Variants in PTPRN2 observed in about 807,000 individuals in gnomAD.
PTPRN2 encodes protein tyrosine phosphatase receptor type N2.
A neutral mutation model predicts 118.8 loss-of-function variants in PTPRN2; 74 were observed. The ratio of observed to expected loss-of-function variants is 0.62; its 90% CI spans 0.52 to 0.76. PTPRN2 has a LOEUF of 0.76. PTPRN2 is among the 30% of genes least tolerant of loss of function. The pLI is 0.00. For missense variants in PTPRN2, 1,481 were observed against 1,394.4 expected (o/e 1.06, Z -0.99); for synonymous variants, 641 against 608.0 (o/e 1.05, Z -0.80).
At chr7:158,167,318 C>A in intron 5 of PTPRN2, 27 bp from the exon 6 acceptor site, 2 of 1,548,780 alleles carry the variant, frequency 1.3e-6, no homozygotes, top group Non-Finnish European at 1.7e-6. Flanking sequence ...CAAAACAGAG[C>A]AAGAGTCACA....
chr7:157,876,744 C>A (rs1278749935), intron 12 of PTPRN2, among the ~76,000 whole-genome samples: 1 of 152,162 alleles, frequency 6.6e-6, no homozygotes, highest in Non-Finnish European at 1.5e-5. Context: ...TTCACATGGC[C>A]CCTGCACCCC....
intron 2 of PTPRN2, among the ~76,000 whole-genome samples, chr7:158,403,306 G>A (rs376111370): frequency 3.9e-5 from 6 of 152,294 alleles, no homozygotes; most frequent in South Asian, 2.1e-4. Flanking sequence ...AGGCCCTGCC[G>A]TACTGATGTG....
At chr7:158,322,272 T>C (rs1223132784) in intron 2 of PTPRN2, among the ~76,000 whole-genome samples, 1 of 152,142 alleles carries the variant, frequency 6.6e-6, no homozygotes, top group Non-Finnish European at 1.5e-5. Context: ...GGCTCCATGC[T>C]CCAGAGCTTC....
chr7:158,018,209 G>T (rs1806583108), intron 11 of PTPRN2, among the ~76,000 whole-genome samples: 1 of 152,216 alleles, frequency 6.6e-6, no homozygotes, highest in South Asian at 2.1e-4. Context: ...ATGCGCTGCT[G>T]AAGTGGTGGG....
At chr7:158,011,844 G>GA (rs1279513536) in intron 11 of PTPRN2, among the ~76,000 whole-genome samples, 1 of 152,146 alleles carries the variant, frequency 6.6e-6, no homozygotes, top group Non-Finnish European at 1.5e-5. Context: ...ATCTTACTCA[G>GA]AAAAAATCCA....
At chr7:158,243,504 C>A (rs746744088) in intron 3 of PTPRN2, among the ~76,000 whole-genome samples, 3 of 152,186 alleles carry the variant, frequency 2.0e-5, no homozygotes, top group Non-Finnish European at 4.4e-5. Context: ...GATGGTTACT[C>A]GTGTTTTCCA....
At chr7:158,062,603 G>A (rs965164588) in intron 11 of PTPRN2, among the ~76,000 whole-genome samples, 1 of 152,182 alleles carries the variant, frequency 6.6e-6, no homozygotes, top group African/African-American at 2.4e-5. Flanking sequence ...GGGGCTGTGC[G>A]TGGTGCTCAC....
chr7:157,938,145 C>A (rs1042871024), intron 11 of PTPRN2, among the ~76,000 whole-genome samples: 1 of 152,166 alleles, frequency 6.6e-6, no homozygotes, highest in African/African-American at 2.4e-5. Context: ...TCGAAGTGGG[C>A]CCCCCGCATG....
intron 3 of PTPRN2, among the ~76,000 whole-genome samples, chr7:158,312,910 G>C (rs1434941710): frequency 6.6e-6 from 1 of 151,790 alleles, no homozygotes; most frequent in Non-Finnish European, 1.5e-5. Context: ...ATGCATGTGT[G>C]GGGATGTCTA....
chr7:157,638,666 G>A (rs1804476291), intron 14 of PTPRN2, among the ~76,000 whole-genome samples: 1 of 152,218 alleles, frequency 6.6e-6, no homozygotes, highest in African/African-American at 2.4e-5. Flanking sequence ...CCAGTCACAC[G>A]GCATGGGGAC....
chr7:158,378,421 G>A (rs1390901999), intron 2 of PTPRN2, among the ~76,000 whole-genome samples: 2 of 152,168 alleles, frequency 1.3e-5, no homozygotes, highest in African/African-American at 4.8e-5. Context: ...ACACAGCAAT[G>A]GTTCTGAAGG....
intron 2 of PTPRN2, among the ~76,000 whole-genome samples, chr7:158,343,627 G>A (rs1807249300): frequency 6.6e-6 from 1 of 151,268 alleles, no homozygotes; most frequent in African/African-American, 2.4e-5. Context: ...TGTCGCGACT[G>A]CTCCCGGTGG....
chr7:158,355,279 T>A (rs1226392729), intron 2 of PTPRN2, among the ~76,000 whole-genome samples: 1 of 152,212 alleles, frequency 6.6e-6, no homozygotes, highest in Non-Finnish European at 1.5e-5. Context: ...GGCAAATCAC[T>A]TCACTTCTCT....
intron 12 of PTPRN2, among the ~76,000 whole-genome samples, chr7:157,724,418 T>C (rs1168575731): frequency 6.6e-6 from 1 of 152,196 alleles, no homozygotes; most frequent in East Asian, 1.9e-4. Flanking sequence ...TTGGAGCCAA[T>C]TTCCTGGTTA....
At chr7:157,759,746 C>T (rs1017327245) in intron 12 of PTPRN2, among the ~76,000 whole-genome samples, 9 of 152,316 alleles carry the variant, frequency 5.9e-5, no homozygotes, top group South Asian at 2.1e-4. Context: ...ATAATGTACG[C>T]GTTGAGAATG....
At position 158,244,757 on chromosome 7, in the gene PTPRN2, C is replaced by T. The variant is rs370396739; in HGVS notation, c.278-39484G>A. On this transcript the variant is annotated intron_variant, in intron 3 of 22. Coordinates refer to ENST00000389418, the MANE Select transcript of PTPRN2 (RefSeq NM_002847.5). The stretch of plus-strand genomic sequence containing the variant: ...GTGTGTGTGTGAGTTGTGTGGTTAG[C>T]GTCAGAGTATGTGTGGGTGTGTGTG... Among the ~76,000 whole-genome samples the T allele has an allele frequency of 1.1e-4, 16 of 150,196 alleles. No homozygotes were observed. In the South Asian group the frequency reaches 1.9e-3, roughly 18 times the overall value.
At chr7:157,724,596 A>ACAG (rs1263886151) in intron 12 of PTPRN2, among the ~76,000 whole-genome samples, 2 of 152,194 alleles carry the variant, frequency 1.3e-5, no homozygotes, top group East Asian at 3.8e-4. Context: ...GCTGAGCATC[A>ACAG]CAGCTCAGCC....
intron 2 of PTPRN2, among the ~76,000 whole-genome samples, chr7:158,378,284 C>T (rs1047550435): frequency 6.6e-6 from 1 of 152,192 alleles, no homozygotes; most frequent in Non-Finnish European, 1.5e-5. Context: ...ATTCGCTCCC[C>T]AGGGCATGAG....
chr7:158,224,470 CA>C (rs978702502), intron 3 of PTPRN2, among the ~76,000 whole-genome samples: 5 of 152,058 alleles, frequency 3.3e-5, no homozygotes, highest in Admixed American at 3.3e-4. Context: ...GACAAAGATG[CA>C]TAAACAATTT....
Sources: allele counts gnomAD v4.1 joint callset (sites outside exome capture counted in the v4.1 genomes callset), GRCh38; gene constraint gnomAD v4.1.1; transcripts MANE v1.5; gene names NCBI Gene and HGNC (gene_info 2026-07-23, HGNC 2026-07-21).